The following NOD2 variants were observed in gnomAD, a reference collection of about 807,000 sequenced individuals.
NOD2 encodes nucleotide-binding oligomerization domain-containing protein 2.
NOD2 carries 86 observed loss-of-function variants against 90.9 expected under a neutral mutation model. The observed-to-expected ratio is 0.95, with a 90% CI of 0.79 to 1.13. The LOEUF is 1.13. NOD2 is among the 50% of genes most tolerant of loss of function. NOD2 has a pLI of 0.00. For synonymous variants in NOD2, 581 were observed against 554.6 expected, an observed-to-expected ratio of 1.05 and a Z score of -0.67; for missense variants, 1,238 against 1,283.8, an observed-to-expected ratio of 0.96 and a Z score of 0.55.
chr16:50,719,036 A>G (rs140188515), intron 6 of NOD2, among the ~76,000 whole-genome samples: 2 of 152,258 alleles, frequency 1.3e-5, no homozygotes, highest in East Asian at 3.9e-4. Flanking sequence ...CATCTTGGCA[A>G]GGCTGATGAG....
chr16:50,695,150 A>C (rs2150772890), intron 1 of NOD2, among the ~76,000 whole-genome samples: 1 of 120,836 alleles, frequency 8.3e-6, no homozygotes, highest in Admixed American at 9.1e-5. Context: ...GGGGTGGAGA[A>C]TGGATCATGG....
chr16:50,704,855 A>T (rs1164592592), intron 2 of NOD2, among the ~76,000 whole-genome samples: 1 of 152,230 alleles, frequency 6.6e-6, no homozygotes, highest in Non-Finnish European at 1.5e-5. Flanking sequence ...GAAGCTTTTA[A>T]AATTTTCTTT....
At position 50,732,029 on chromosome 16, in the gene NOD2, A is replaced by G. The variant is rs1442630802; in HGVS notation, c.*210A>G. The G allele has an allele frequency of 6.8e-6, 4 of 589,552 alleles. No individual in the cohort carries two copies. The highest frequency in any genetic ancestry group is 9.2e-6 in the Non-Finnish European group (3 of 324,714). 36.5% of individuals were successfully genotyped at this position (589,552 alleles called of 1,614,324 possible). On this transcript the variant is annotated 3_prime_UTR_variant, in exon 12 of 12. Coordinates refer to ENST00000647318, the MANE Select transcript of NOD2 (RefSeq NM_001370466.1). ...TCCAGGATAGACTTTTCCCAAGCCT[A>G]CTTTTGCCATTGACTTCTTCCCAAG...
rs767119064 is a variant in NOD2, at chr16:50,699,701, G to T, written c.206G>T (p.Gly69Val). The T allele has an allele frequency of 6.2e-6, 10 of 1,614,138 alleles. No individual in the cohort carries two copies. In the East Asian group the frequency reaches 2.0e-4, roughly 32 times the overall value. The change falls in exon 2 of 12, where the codon GGT becomes GTT. Residue 69 changes from glycine to valine, a missense_variant. This residue lies in a region of NOD2 where 567 missense variants were observed against 577.3 expected (regional missense o/e 0.98). Coordinates refer to ENST00000647318, the MANE Select transcript of NOD2 (RefSeq NM_001370466.1). ...RRLLDTVWNK[G>V]TWACQKLIAA... is the part of the protein sequence containing the mutation. Reference sequence around the variant, plus strand: ...CTTCTGGACACCGTCTGGAATAAGGGTACTTGGGCCTGTCAGAAGCTCATC... The same window carrying T: ...CTTCTGGACACCGTCTGGAATAAGGTTACTTGGGCCTGTCAGAAGCTCATC...
At chr16:50,722,487 A>G (rs1033089977) in intron 7 of NOD2, 135 bp from the exon 8 acceptor site, 3 of 872,750 alleles carry the variant, frequency 3.4e-6, no homozygotes, top group Admixed American at 1.7e-5. Flanking sequence ...CAGGAGCCCC[A>G]GTGAGGCCAC....
Position 50,728,312 on chromosome 16 carries a change from G to A in NOD2, c.2886-1506G>A. On this transcript the variant is annotated intron_variant, in intron 10 of 11. Transcript: ENST00000647318. Reference sequence around the variant, plus strand: ...TCGCAAAACTTCTTGAACCACCACTGCACTATACGTTAGTTAGCAGTTCCT... The same window carrying A: ...TCGCAAAACTTCTTGAACCACCACTACACTATACGTTAGTTAGCAGTTCCT... The A allele has an allele frequency of 5.2e-6, 2 of 387,890 alleles. 1 individual carries two copies. The allele number at this position is 387,890 out of a possible 1,614,324, so 24.0% of individuals were successfully genotyped here.
intron 2 of NOD2, among the ~76,000 whole-genome samples, chr16:50,707,476 T>C (rs1239332718): frequency 6.6e-6 from 1 of 152,200 alleles, no homozygotes; most frequent in African/African-American, 2.4e-5. Context: ...GAGATGAAGA[T>C]GTGGGAGTCT....
chr16:50,717,235 T>C (rs545555087), intron 6 of NOD2, among the ~76,000 whole-genome samples: 4 of 152,384 alleles, frequency 2.6e-5, no homozygotes, highest in East Asian at 3.9e-4. Flanking sequence ...TTTCCTTTTC[T>C]GTGTCTAAGA....
At position 50,710,817 on chromosome 16, in the gene NOD2, C is replaced by T; in HGVS notation, c.825C>T (p.Gly275=). The T allele has an allele frequency of 6.2e-7, 1 of 1,614,056 alleles. No individual in the cohort carries two copies. The highest frequency in any genetic ancestry group is 8.5e-7 in the Non-Finnish European group (1 of 1,180,022). The change falls in exon 4 of 12, where the codon GGC becomes GGT. Residue 275 remains glycine, a synonymous_variant. Transcript: ENST00000647318. ...ADTVLVVGEA[G]SGKSTLLQRL... ...CTGTGCTGGTGGTGGGTGAGGCGGGCAGTGGCAAGAGCACGCTCCTGCAGC... is the reference window on the plus strand; with the variant it reads ...CTGTGCTGGTGGTGGGTGAGGCGGGTAGTGGCAAGAGCACGCTCCTGCAGC...
intron 10 of NOD2, among the ~76,000 whole-genome samples, chr16:50,728,744 G>C (rs1167024881): frequency 6.6e-6 from 1 of 152,162 alleles, no homozygotes; most frequent in Admixed American, 6.5e-5. Context: ...GGAAGGCAAA[G>C]CTGTAACCAA....
chr16:50,697,043 G>A (rs923487378), intron 1 of NOD2: 3 of 627,432 alleles, frequency 4.8e-6, no homozygotes, highest in Non-Finnish European at 8.6e-6. Flanking sequence ...AAGGCTTTGT[G>A]CCAGAATTGC....
intron 4 of NOD2, chr16:50,715,601 A>G (rs1360976613): frequency 6.6e-6 from 1 of 152,060 alleles, no homozygotes; most frequent in African/African-American, 2.4e-5. Flanking sequence ...TATTTTTGGT[A>G]GCGACAGGGT....
In NOD2 at chr16:50,710,840, A is replaced by G. The variant is rs148526508; in HGVS notation, c.848A>G (p.Gln283Arg). 6.2e-7 allele frequency: 1 copy of G among 1,613,994 alleles called. No homozygotes were observed. Among genetic ancestry groups the G allele is most frequent in the African/African-American group, 1.3e-5 (1 of 74,920 alleles). The change falls in exon 4 of 12, where the codon CAG (glutamine) becomes CGG (arginine). Residue 283 changes from glutamine (Q) to arginine (R), a missense_variant. Around this residue, in one of 3 missense-constraint regions of NOD2, gnomAD observed 567 missense variants for 577.3 expected, o/e 0.98. Transcript: ENST00000647318. ...GGCAGTGGCAAGAGCACGCTCCTGC[A>G]GCGGCTGCACTTGCTGTGGGCTGCA... ...EAGSGKSTLL[Q>R]RLHLLWAAGQ...
In NOD2 at chr16:50,699,697, A is replaced by G. The variant is rs2150781997; in HGVS notation, c.202A>G (p.Lys68Glu). Reference sequence around the variant, plus strand: ...GCGCCTTCTGGACACCGTCTGGAATAAGGGTACTTGGGCCTGTCAGAAGCT... The same window carrying G: ...GCGCCTTCTGGACACCGTCTGGAATGAGGGTACTTGGGCCTGTCAGAAGCT... The part of the protein sequence containing the change: ...ARRLLDTVWN[K>E]GTWACQKLIA... Residue 68 changes from lysine to glutamate, a missense_variant, in exon 2 of 12, where the codon AAG (lysine) becomes GAG (glutamate). By Grantham distance (56) the Lys-to-Glu change is moderately conservative. Around this residue, in one of 3 missense-constraint regions of NOD2, gnomAD observed 567 missense variants for 577.3 expected, o/e 0.98. Coordinates refer to ENST00000647318, the MANE Select transcript of NOD2 (RefSeq NM_001370466.1). The G allele has an allele frequency of 6.2e-7, 1 of 1,614,146 alleles. No individual in the cohort carries two copies. The highest frequency in any genetic ancestry group is 8.5e-7 in the Non-Finnish European group (1 of 1,180,038).
chr16:50,698,864 T>C (rs1261032264), intron 1 of NOD2, among the ~76,000 whole-genome samples: 3 of 151,894 alleles, frequency 2.0e-5, no homozygotes, highest in Admixed American at 2.0e-4. Context: ...AAAGAGCCCC[T>C]CTCACCCTGC....
Position 50,720,559 on chromosome 16 carries a change from A to T in NOD2, c.2633+551A>T, listed in dbSNP as rs1965008276. Among the ~76,000 whole-genome samples, 8 of 152,126 alleles carry T rather than the reference A, an allele frequency of 5.3e-5. No homozygotes were observed. The South Asian group carries it at 1.7e-3, about 32-fold the overall frequency. On this transcript the variant is annotated intron_variant, in intron 7 of 11. Transcript: ENST00000647318. The stretch of plus-strand genomic sequence containing the variant: ...AGGACCATGCTAGGGCCTGCCAGGG[A>T]GGGGAGTACCCCAACCTGCAGCCCC...
intron 1 of NOD2, among the ~76,000 whole-genome samples, chr16:50,695,160 G>T (rs376964698): frequency 6.6e-6 from 1 of 151,922 alleles, no homozygotes; most frequent in South Asian, 2.1e-4. Flanking sequence ...ATGGATCATG[G>T]GGGGGGTGGG....
chr16:50,699,754 AGCC>A lies in NOD2; in HGVS notation c.260_262del (p.Ser87_Gln88delinsLys). 1 of 1,614,022 alleles carries A rather than the reference AGCC, an allele frequency of 6.2e-7. No homozygotes were observed. ...GGCTGCCCAAGAAGCCCAGGCCGACAGCCAGTCCCCCAAGCTGCATGGCTGCTG... is the reference window on the plus strand; with the variant it reads ...GGCTGCCCAAGAAGCCCAGGCCGACAAGTCCCCCAAGCTGCATGGCTGCTG... On this transcript the variant is annotated inframe_deletion, in exon 2 of 12. Transcript: ENST00000647318.
At chr16:50,709,209 A>G (rs1964346609) in intron 3 of NOD2, among the ~76,000 whole-genome samples, 1 of 152,220 alleles carries the variant, frequency 6.6e-6, no homozygotes, top group Non-Finnish European at 1.5e-5. Context: ...CAGAGGGCAG[A>G]AAGCTCAGCA....
Sources: allele counts gnomAD v4.1 joint callset (sites outside exome capture counted in the v4.1 genomes callset), GRCh38; gene constraint gnomAD v4.1.1; regional missense constraint gnomAD v4.1.1; transcripts MANE v1.5; gene names NCBI Gene and HGNC (gene_info 2026-07-23, HGNC 2026-07-21).